The following PCDHA11 variants were observed in gnomAD, a reference collection of about 807,000 sequenced individuals.
PCDHA11 encodes the protein protocadherin alpha 11, also known as protocadherin alpha-11.
A neutral mutation model predicts 70.3 loss-of-function variants in PCDHA11; 61 were observed. The observed-to-expected ratio is 0.87, with a 90% CI of 0.71 to 1.07. The LOEUF is 1.07. PCDHA11 is among the 50% of genes least tolerant of loss of function. The pLI, the probability that PCDHA11 is intolerant of heterozygous loss-of-function variation, is 0.00. For synonymous variants in PCDHA11, 633 were observed against 555.1 expected, an observed-to-expected ratio of 1.14 and a Z score of -1.97; for missense variants, 1,324 against 1,237.5, an observed-to-expected ratio of 1.07 and a Z score of -1.05.
intron 3 of PCDHA11, among the ~76,000 whole-genome samples, chr5:140,996,349 A>G (rs2097722990): frequency 6.6e-6 from 1 of 152,184 alleles, no homozygotes; most frequent in African/African-American, 2.4e-5. Flanking sequence ...AACCCAACCA[A>G]AGTCAGAAGC....
chr5:140,872,973 T>C (rs1562677174), intron 1 of PCDHA11, among the ~76,000 whole-genome samples: 1 of 152,212 alleles, frequency 6.6e-6, no homozygotes, highest in African/African-American at 2.4e-5. Flanking sequence ...ATCTGAAGAT[T>C]TGAGCAAAGA....
intron 1 of PCDHA11, chr5:140,928,280 C>T (rs781831365): frequency 6.2e-7 from 1 of 1,614,076 alleles, no homozygotes; most frequent in African/African-American, 1.3e-5. Context: ...CCTGGGGCCT[C>T]TCTAGGCCGA....
At chr5:140,915,137 C>T (rs2076999053) in intron 1 of PCDHA11, among the ~76,000 whole-genome samples, 3 of 151,800 alleles carry the variant, frequency 2.0e-5, no homozygotes, top group South Asian at 2.1e-4. Context: ...TTAGTAGAGA[C>T]GGGGTTTCAC....
At position 141,007,395 on chromosome 5, in the gene PCDHA11, CAAAA is replaced by C. The variant is rs35800918; in HGVS notation, c.2540-2212_2540-2209del. Among the ~76,000 whole-genome samples the C allele has an allele frequency of 1.2e-3, 116 of 94,838 alleles. No homozygotes were observed. In the Middle Eastern group the frequency reaches 0.016, roughly 13 times the overall value. 62.2% of individuals were successfully genotyped at this position (94,838 alleles called of 152,430 possible). ...ATGGAACACCATCTCTACTAAAATA[CAAAA>C]AAAAAAAAAAAAAAAAAAATTAGCC... is the stretch of plus-strand genomic sequence containing the variant. On this transcript the variant is annotated intron_variant, in intron 3 of 3. Coordinates refer to ENST00000398640, the MANE Select transcript of PCDHA11 (RefSeq NM_018902.5).
At chr5:140,998,094 GCAAA>G (rs1182835904) in intron 3 of PCDHA11, among the ~76,000 whole-genome samples, 7 of 152,226 alleles carry the variant, frequency 4.6e-5, no homozygotes, top group African/African-American at 1.4e-4. Flanking sequence ...AAATGCTAGA[GCAAA>G]CAGAGGAGAA....
intron 1 of PCDHA11, among the ~76,000 whole-genome samples, chr5:140,955,756 A>G (rs987029779): frequency 2.6e-5 from 4 of 152,182 alleles, no homozygotes; most frequent in African/African-American, 9.7e-5. Flanking sequence ...TATTGCCATA[A>G]CACTGATTCT....
rs568722959 is a variant in PCDHA11 at position 140,970,085 on chromosome 5, T to C, written c.2392-8864T>C. Among the ~76,000 whole-genome samples the C allele has an allele frequency of 2.6e-5, 4 of 151,946 alleles. No homozygotes were observed. The East Asian group carries it at 7.7e-4, about 29-fold the overall frequency. ...TATTAGAATGAGTGGATTAGGGGTG[T>C]GGGGGGATGGTGAAGACCAAGAGAA... is the stretch of plus-strand genomic sequence containing the variant. On this transcript the variant is annotated intron_variant, in intron 1 of 3. Coordinates refer to ENST00000398640, the MANE Select transcript of PCDHA11 (RefSeq NM_018902.5).
chr5:140,912,007 C>A lies in PCDHA11; in HGVS notation c.2391+40513C>A, dbSNP rs572487277. Among the ~76,000 whole-genome samples, 3 of 152,282 alleles carry A rather than the reference C, an allele frequency of 2.0e-5. No homozygotes were observed. The East Asian group carries it at 5.8e-4, about 29-fold the overall frequency. On this transcript the variant is annotated intron_variant, in intron 1 of 3. Coordinates refer to ENST00000398640, the MANE Select transcript of PCDHA11 (RefSeq NM_018902.5). ...ACAAGGTCCCACAATAGGCCATCTGCAAGCTGAGGAGCAAGCAAGCCAATC... is the reference window on the plus strand; with the variant it reads ...ACAAGGTCCCACAATAGGCCATCTGAAAGCTGAGGAGCAAGCAAGCCAATC...
intron 1 of PCDHA11, among the ~76,000 whole-genome samples, chr5:140,895,392 C>T (rs983338513): frequency 6.6e-5 from 10 of 152,148 alleles, no homozygotes; most frequent in African/African-American, 2.4e-4. Context: ...CAATTCTCAA[C>T]ACCATCAAAA....
Position 140,870,991 on chromosome 5 carries a change from A to G in PCDHA11, c.1888A>G (p.Ile630Val), listed in dbSNP as rs782466247. Residue 630 changes from isoleucine (I) to valine (V), a missense_variant, in exon 1 of 4, where the codon ATA (isoleucine) becomes GTA (valine). Physicochemically the swap from Ile to Val is conservative, Grantham distance 29 (BLOSUM62 3). Coordinates refer to ENST00000398640, the MANE Select transcript of PCDHA11 (RefSeq NM_018902.5). ...PFRVGLYTGE[I>V]STTRALDEAD... is the part of the protein sequence containing the mutation. ...CCGCGTGGGGCTGTACACGGGCGAGATAAGCACAACGCGTGCCCTGGACGA... is the reference window on the plus strand; with the variant it reads ...CCGCGTGGGGCTGTACACGGGCGAGGTAAGCACAACGCGTGCCCTGGACGA... 10 of 1,613,364 alleles carry G rather than the reference A, an allele frequency of 6.2e-6. No individual in the cohort carries two copies. The East Asian group carries it at 1.1e-4, about 18-fold the overall frequency.
chr5:140,888,275 G>A (rs974764035), intron 1 of PCDHA11, among the ~76,000 whole-genome samples: 1 of 152,056 alleles, frequency 6.6e-6, no homozygotes, highest in African/African-American at 2.4e-5. Context: ...AAACAGTTTT[G>A]TCCCCTCTAC....
chr5:140,934,912 T>C (rs534779508), intron 1 of PCDHA11, among the ~76,000 whole-genome samples: 1 of 152,318 alleles, frequency 6.6e-6, no homozygotes, highest in Admixed American at 6.5e-5. Context: ...GGAATAATTA[T>C]GGATTCACAT....
At position 140,991,361 on chromosome 5, in the gene PCDHA11, G is replaced by A. The variant is rs1183124741; in HGVS notation, c.2539+8798G>A. On this transcript the variant is annotated intron_variant, in intron 3 of 3. Transcript: ENST00000398640. ...GGTAACTTGGAAAAGACTATTTACT[G>A]TCTGAGTTCTAGGCCAACTGTAGGG... Among the ~76,000 whole-genome samples, 3 of 152,200 alleles carry A rather than the reference G, an allele frequency of 2.0e-5. No individual in the cohort carries two copies. In the East Asian group the frequency reaches 5.8e-4, roughly 29 times the overall value.
chr5:140,887,561 CT>C (rs2061497104), intron 1 of PCDHA11, among the ~76,000 whole-genome samples: 1 of 151,690 alleles, frequency 6.6e-6, no homozygotes, highest in Non-Finnish European at 1.5e-5. Context: ...ACTGTTAAAA[CT>C]TTTCTTTTTA....
intron 1 of PCDHA11, among the ~76,000 whole-genome samples, chr5:140,951,473 C>G (rs1009151700): frequency 1.3e-5 from 2 of 151,880 alleles, no homozygotes; most frequent in Non-Finnish European, 2.9e-5. Context: ...TTCTGGGGAG[C>G]CTTCAAGAAT....
chr5:141,006,206 A>AT (rs1178693799), intron 3 of PCDHA11, among the ~76,000 whole-genome samples: 16 of 147,954 alleles, frequency 1.1e-4, no homozygotes, highest in East Asian at 5.9e-4. Context: ...GTTATGCCTC[A>AT]TTTTTTTTTA....
chr5:140,876,660 G>A, intron 1 of PCDHA11: 1 of 1,614,216 alleles, frequency 6.2e-7, no homozygotes, highest in Non-Finnish European at 8.5e-7. Flanking sequence ...TTCCCTTCAA[G>A]CTGGTGTCCA....
chr5:140,889,417 A>G (rs2062219100), intron 1 of PCDHA11, among the ~76,000 whole-genome samples: 1 of 152,040 alleles, frequency 6.6e-6, no homozygotes. Context: ...TCAGTTACGT[A>G]GATAATATTT....
rs1362653742 is a variant in PCDHA11 at position 140,870,186 on chromosome 5, C to T, written c.1083C>T (p.Asp361=). The change falls in exon 1 of 4, where the codon GAC becomes GAT. Residue 361 remains aspartate (D), a synonymous_variant. Transcript: ENST00000398640. ...CCTTGTCCCTCCCAGTACGAGAGGACGCTCAGCCCAGCACGGTCATTGCCC... is the reference window on the plus strand; with the variant it reads ...CCTTGTCCCTCCCAGTACGAGAGGATGCTCAGCCCAGCACGGTCATTGCCC... The part of the protein sequence containing the change: ...VTSLSLPVRE[D]AQPSTVIALI... The T allele has an allele frequency of 4.3e-6, 7 of 1,614,152 alleles. No individual in the cohort carries two copies. The highest frequency in any genetic ancestry group is 5.9e-6 in the Non-Finnish European group (7 of 1,180,038).
Sources: allele counts gnomAD v4.1 joint callset (sites outside exome capture counted in the v4.1 genomes callset), GRCh38; gene constraint gnomAD v4.1.1; transcripts MANE v1.5; gene names NCBI Gene and HGNC (gene_info 2026-07-23, HGNC 2026-07-21).